The following ENPP6 variants were observed in gnomAD, a reference collection of about 807,000 sequenced individuals.
ENPP6 encodes the protein ectonucleotide pyrophosphatase/phosphodiesterase 6.
A neutral mutation model predicts 42.0 loss-of-function variants in ENPP6; 32 were observed. That is an observed-to-expected ratio of 0.76 (90% CI 0.58 to 1.02). The LOEUF (loss-of-function observed/expected upper bound fraction) is 1.02. Among genes scored for constraint, ENPP6 ranks in the 50% least tolerant of loss-of-function variants. The probability of loss-of-function intolerance (pLI) is 0.00; values close to 1 mark genes in which losing one functional copy is unlikely to be tolerated. For synonymous variants in ENPP6, 213 were observed against 216.0 expected (o/e 0.99, Z 0.12); for missense variants, 552 against 566.8 (o/e 0.97, Z 0.27).
Position 184,088,740 on chromosome 4 carries a change from C to T in ENPP6, c.*2437G>A, listed in dbSNP as rs1354550647. ...TAAGTAAAAAGCTTTATTTTTTTCC[C>T]TCAGTGTCTGAATCTTCTTTATTGT... On this transcript the variant is annotated 3_prime_UTR_variant, in exon 8 of 8. Coordinates refer to ENST00000296741, the MANE Select transcript of ENPP6 (RefSeq NM_153343.4). 6.6e-6 allele frequency: 1 copy of T among 152,064 alleles called. No individual in the cohort carries two copies. The highest frequency in any genetic ancestry group is 1.5e-5 in the Non-Finnish European group (1 of 68,000). 9.4% of individuals were successfully genotyped at this position (152,064 alleles called of 1,614,324 possible).
chr4:184,111,267 C>A (rs185991566), intron 6 of ENPP6, among the ~76,000 whole-genome samples: 28 of 152,334 alleles, frequency 1.8e-4, no homozygotes, highest in Admixed American at 1.5e-3. Flanking sequence ...TGTGGATTAA[C>A]CTTCAGGGCA....
intron 6 of ENPP6, among the ~76,000 whole-genome samples, chr4:184,107,274 A>G (rs991245760): frequency 6.6e-6 from 1 of 152,206 alleles, no homozygotes; most frequent in African/African-American, 2.4e-5. Flanking sequence ...CTTGAAGCAA[A>G]GAGCTTGGCT....
intron 2 of ENPP6, among the ~76,000 whole-genome samples, chr4:184,132,872 T>A (rs763674001): frequency 6.7e-6 from 1 of 149,580 alleles, no homozygotes; most frequent in South Asian, 2.1e-4. Context: ...CTCCAATTGA[T>A]CTATCATAAT....
chr4:184,204,395 C>G (rs375702043), intron 1 of ENPP6, among the ~76,000 whole-genome samples: 2 of 152,146 alleles, frequency 1.3e-5, no homozygotes, highest in Non-Finnish European at 2.9e-5. Flanking sequence ...CAAGAGTGGC[C>G]GTGCAAGTCC....
At chr4:184,114,204 G>A (rs1736277219) in intron 5 of ENPP6, among the ~76,000 whole-genome samples, 1 of 152,054 alleles carries the variant, frequency 6.6e-6, no homozygotes, top group Non-Finnish European at 1.5e-5. Context: ...GACCTCAGGT[G>A]ATCCACCCAC....
intron 6 of ENPP6, 72 bp downstream of exon 6, chr4:184,112,600 A>G (rs1736216234): frequency 1.3e-6 from 2 of 1,515,028 alleles, no homozygotes; most frequent in Non-Finnish European, 1.8e-6. Flanking sequence ...AAACTTGAGT[A>G]ACTATTATTT....
chr4:184,097,219 G>C (rs2111328891), intron 7 of ENPP6, 26 bp downstream of exon 7: 1 of 1,613,860 alleles, frequency 6.2e-7, no homozygotes, highest in Non-Finnish European at 8.5e-7. Context: ...TGGGGTCTGA[G>C]AGCATCTGGT....
At chr4:184,112,408 G>GT (rs1736208626) in intron 6 of ENPP6, among the ~76,000 whole-genome samples, 1 of 152,178 alleles carries the variant, frequency 6.6e-6, no homozygotes, top group Admixed American at 6.5e-5. Flanking sequence ...TGTAAGCCGG[G>GT]TAATCGAGTT....
intron 2 of ENPP6, among the ~76,000 whole-genome samples, chr4:184,131,259 T>TTTCTCTTC (rs1553996065): frequency 0.01 from 756 of 73,346 alleles, 106 homozygotes; most frequent in African/African-American, 0.036. Flanking sequence ...TTTCTCTTTC[T>TTTCTCTTC]CTTCCTTCCT....
chr4:184,129,194 G>A (rs775307982), intron 2 of ENPP6, among the ~76,000 whole-genome samples: 7 of 151,968 alleles, frequency 4.6e-5, no homozygotes, highest in Non-Finnish European at 1.0e-4. Context: ...GAAATCAGGA[G>A]GCATGTAAGC....
intron 2 of ENPP6, among the ~76,000 whole-genome samples, chr4:184,139,049 G>T (rs1212522372): frequency 6.6e-6 from 1 of 152,248 alleles, no homozygotes; most frequent in Non-Finnish European, 1.5e-5. Context: ...TTGGGTGGAA[G>T]TCATGTGTCT....
intron 2 of ENPP6, among the ~76,000 whole-genome samples, chr4:184,142,277 C>T (rs1218979592): frequency 6.6e-6 from 1 of 152,252 alleles, no homozygotes; most frequent in Non-Finnish European, 1.5e-5. Flanking sequence ...GTAACAATAA[C>T]CCCTGTGCGC....
At chr4:184,103,760 T>C (rs1326008170) in intron 6 of ENPP6, among the ~76,000 whole-genome samples, 2 of 152,236 alleles carry the variant, frequency 1.3e-5, no homozygotes, top group Non-Finnish European at 2.9e-5. Flanking sequence ...GGAGATGTGT[T>C]TGCCACATGC....
chr4:184,181,349 G>T (rs1248256412), intron 1 of ENPP6, among the ~76,000 whole-genome samples: 1 of 152,072 alleles, frequency 6.6e-6, no homozygotes, highest in Non-Finnish European at 1.5e-5. Flanking sequence ...CACTGCTCAA[G>T]GAAATCAGAG....
Position 184,116,937 on chromosome 4 carries a change from G to A in ENPP6, c.774C>T (p.Tyr258=), listed in dbSNP as rs1736324417. The A allele has an allele frequency of 3.1e-6, 5 of 1,614,088 alleles. No individual in the cohort carries two copies. Among genetic ancestry groups the A allele is most frequent in the African/African-American group, 2.7e-5 (2 of 74,924 alleles). Residue 258 remains tyrosine, a synonymous_variant, in exon 5 of 8, where the codon TAC becomes TAT. Transcript: ENST00000296741. Reference sequence around the variant, plus strand: ...CTTGCTGCAGGTCATTCAGGCTGATGTACTTATTCAGCTCAATCACTTTGT... The same window carrying A: ...CTTGCTGCAGGTCATTCAGGCTGATATACTTATTCAGCTCAATCACTTTGT... ...WMDKVIELNK[Y]ISLNDLQQVK...
chr4:184,207,288 G>A (rs914300627), intron 1 of ENPP6, among the ~76,000 whole-genome samples: 3 of 152,166 alleles, frequency 2.0e-5, no homozygotes, highest in Non-Finnish European at 2.9e-5. Context: ...CTGCTTAACC[G>A]GAAGTGTTTG....
chr4:184,185,775 T>C (rs1732625676), intron 1 of ENPP6, among the ~76,000 whole-genome samples: 1 of 152,226 alleles, frequency 6.6e-6, no homozygotes, highest in African/African-American at 2.4e-5. Context: ...TTTCTCTTAA[T>C]GCAGAGCAAA....
intron 5 of ENPP6, among the ~76,000 whole-genome samples, chr4:184,116,077 G>A (rs983857716): frequency 6.6e-6 from 1 of 152,134 alleles, no homozygotes; most frequent in Non-Finnish European, 1.5e-5. Context: ...AAAAAAATTA[G>A]CTGGGCATGG....
intron 1 of ENPP6, among the ~76,000 whole-genome samples, chr4:184,175,287 A>G (rs193237378): frequency 7.0e-4 from 107 of 152,312 alleles, no homozygotes; most frequent in African/African-American, 2.2e-3. Flanking sequence ...TCAGCAAGCC[A>G]AGATCCGCTC....
Sources: gnomAD v4.1 joint callset for allele counts (sites outside exome capture counted in the v4.1 genomes callset) on GRCh38, gnomAD v4.1.1 for gene constraint, MANE v1.5 for transcripts, NCBI Gene and HGNC (gene_info 2026-07-23, HGNC 2026-07-21) for gene names.